SPAG17: variants seen among roughly 807,000 people sequenced by gnomAD.
SPAG17 encodes sperm-associated antigen 17.
SPAG17 carries 169 observed loss-of-function variants against 273.6 expected under a neutral mutation model. The ratio of observed to expected loss-of-function variants is 0.62; its 90% CI spans 0.55 to 0.70. The LOEUF (loss-of-function observed/expected upper bound fraction) is 0.70. Among genes scored for constraint, SPAG17 ranks in the 30% least tolerant of loss-of-function variants. The probability of loss-of-function intolerance (pLI) is 0.00; values close to 1 mark genes in which losing one functional copy is unlikely to be tolerated. For missense variants in SPAG17, 2,557 were observed against 2,627.8 expected, an observed-to-expected ratio of 0.97 and a Z score of 0.59; for synonymous variants, 825 against 873.2, an observed-to-expected ratio of 0.94 and a Z score of 0.97.
At chr1:118,025,898 G>C (rs1647689520) in intron 26 of SPAG17, among the ~76,000 whole-genome samples, 1 of 152,158 alleles carries the variant, frequency 6.6e-6, no homozygotes, top group South Asian at 2.1e-4. Context: ...TTCAAAGGTA[G>C]TAAATTAGGT....
rs374295758 is a variant in SPAG17 at position 118,150,537 on chromosome 1, A to G, written c.315+6T>C. 52 of 1,490,964 alleles carry G rather than the reference A, an allele frequency of 3.5e-5. 1 individual carries two copies. Among genetic ancestry groups the G allele is most frequent in the Middle Eastern group, 3.5e-4 (2 of 5,722 alleles). 92.4% of individuals were successfully genotyped at this position (1,490,964 alleles called of 1,614,324 possible). A position where few individuals can be genotyped will look rare whatever the true frequency, so the allele number is the denominator to read the frequency against. On this transcript the variant is annotated splice_donor_region_variant and intron_variant, in intron 3 of 48. Transcript: ENST00000336338. ...AAAAATATCTTCTATAAACACTTTC[A>G]CTTACCTCATAATATAAAGGAGCAT...
At chr1:118,113,820 A>G (rs570106921) in intron 4 of SPAG17, among the ~76,000 whole-genome samples, 40 of 152,270 alleles carry the variant, frequency 2.6e-4, no homozygotes, top group Admixed American at 5.9e-4. Flanking sequence ...TGAGTAAAAT[A>G]ATGGTGCAAA....
intron 7 of SPAG17, among the ~76,000 whole-genome samples, 160 bp downstream of exon 7, chr1:118,097,510 A>G (rs1315157841): frequency 1.3e-5 from 2 of 152,226 alleles, no homozygotes; most frequent in Admixed American, 6.5e-5. Flanking sequence ...TATAACTATC[A>G]TTGAGCATTC....
rs1656097228 is a variant in SPAG17 at position 118,101,943 on chromosome 1, C to CT, written c.448-18dup. 6.9e-6 allele frequency: 11 copies of CT among 1,598,064 alleles called. No homozygotes were observed. The highest frequency in any genetic ancestry group is 9.4e-6 in the Non-Finnish European group (11 of 1,172,560). Reference sequence around the variant, plus strand: ...TTCTATTACCTGGAATGAGAGAACACTTTTTTCTCCAAATCAAACAGTGAG... The same window carrying CT: ...TTCTATTACCTGGAATGAGAGAACACTTTTTTTCTCCAAATCAAACAGTGAG... On this transcript the variant is annotated splice_polypyrimidine_tract_variant and intron_variant, in intron 4 of 48. Coordinates refer to ENST00000336338, the MANE Select transcript of SPAG17 (RefSeq NM_206996.4).
intron 43 of SPAG17, among the ~76,000 whole-genome samples, chr1:117,977,118 T>C (rs910549300): frequency 6.6e-6 from 1 of 150,792 alleles, no homozygotes; most frequent in Non-Finnish European, 1.5e-5. Flanking sequence ...GAGACCAGAC[T>C]GGCCAACATA....
chr1:118,169,884 G>GA (rs1660338322), intron 1 of SPAG17, among the ~76,000 whole-genome samples: 2 of 151,902 alleles, frequency 1.3e-5, no homozygotes, highest in African/African-American at 2.4e-5. Context: ...TTTAATAATA[G>GA]AAAAAAATTA....
rs1162644211 is a variant in SPAG17, at chr1:118,026,712, G to T, written c.3731-1296C>A. 5.9e-5 allele frequency among the ~76,000 whole-genome samples: 9 copies of T among 152,258 alleles called. No homozygotes were observed. The East Asian group carries it at 1.7e-3, about 29-fold the overall frequency. On this transcript the variant is annotated intron_variant, in intron 26 of 48. Coordinates refer to ENST00000336338, the MANE Select transcript of SPAG17 (RefSeq NM_206996.4). ...ATCCAGCACTAAGGACGCACAGCCA[G>T]TAAGTAAGAGAAGGAAGATTTGAAT...
At position 118,185,120 on chromosome 1, in the gene SPAG17, G is replaced by T. The variant is rs756229748; in HGVS notation, c.38C>A (p.Thr13Asn). 6.2e-7 allele frequency: 1 copy of T among 1,614,134 alleles called. No individual in the cohort carries two copies. The highest frequency in any genetic ancestry group is 8.5e-7 in the Non-Finnish European group (1 of 1,179,996). ...CGAGGGTTCCCATATCTTAGAACTG[G>T]TGTTCACAGTTCCTCCTTTCTCCTT... ...PKKEKGGTVNTSSKIWEPSLI... is the reference protein window; with the variant it reads ...PKKEKGGTVNNSSKIWEPSLI... The change falls in exon 1 of 49, where the codon ACC becomes AAC. Residue 13 changes from threonine (T) to asparagine (N), a missense_variant. By Grantham distance (65) the Thr-to-Asn change is moderately conservative (BLOSUM62 0). Coordinates refer to ENST00000336338, the MANE Select transcript of SPAG17 (RefSeq NM_206996.4).
chr1:118,063,967 C>CA (rs1341435945), intron 18 of SPAG17, among the ~76,000 whole-genome samples: 1 of 151,970 alleles, frequency 6.6e-6, no homozygotes, highest in Non-Finnish European at 1.5e-5. Context: ...TTTATGCAGC[C>CA]AAAAAACACA....
intron 3 of SPAG17, among the ~76,000 whole-genome samples, chr1:118,146,408 A>G (rs1189517767): frequency 6.6e-6 from 1 of 152,228 alleles, no homozygotes; most frequent in African/African-American, 2.4e-5. Flanking sequence ...GTGCATAGGT[A>G]GCAAGTATAC....
chr1:118,145,321 G>A (rs1658913202), intron 3 of SPAG17, among the ~76,000 whole-genome samples: 1 of 152,176 alleles, frequency 6.6e-6, no homozygotes, highest in African/African-American at 2.4e-5. Flanking sequence ...CTGAAAAAGA[G>A]TGGCAAAATA....
chr1:118,132,884 G>C (rs535333574), intron 3 of SPAG17, among the ~76,000 whole-genome samples: 168 of 152,254 alleles, frequency 1.1e-3, no homozygotes, highest in African/African-American at 4.0e-3. Flanking sequence ...CAATTCTCCT[G>C]CCTCAGCCTC....
Position 118,054,738 on chromosome 1 carries a change from T to C in SPAG17, c.2723-645A>G, listed in dbSNP as rs191296526. 1.5e-3 allele frequency among the ~76,000 whole-genome samples: 224 copies of C among 152,126 alleles called. 1 individual carries two copies. Among genetic ancestry groups the C allele is most frequent in the Non-Finnish European group, 3.7e-4 (25 of 67,932 alleles). On this transcript the variant is annotated intron_variant, in intron 19 of 48. Coordinates refer to ENST00000336338, the MANE Select transcript of SPAG17 (RefSeq NM_206996.4). ...TATCTATTTATTTTTCTTTTCTTTT[T>C]TTGGGGGGTACTTAATGCTCTCCTT...
intron 24 of SPAG17, 167 bp downstream of exon 24, chr1:118,036,601 GAC>G (rs35746934): frequency 0.033 from 15,304 of 468,420 alleles, 10 homozygotes; most frequent in East Asian, 0.048. Flanking sequence ...CACATATATA[GAC>G]ACACACACAC....
chr1:118,050,447 C>T (rs1279872578), intron 20 of SPAG17, among the ~76,000 whole-genome samples: 1 of 152,086 alleles, frequency 6.6e-6, no homozygotes, highest in African/African-American at 2.4e-5. Flanking sequence ...TGCTGCAGAC[C>T]CATATGGATT....
At chr1:118,017,789 A>C (rs1003797317) in intron 28 of SPAG17, among the ~76,000 whole-genome samples, 18 of 152,166 alleles carry the variant, frequency 1.2e-4, no homozygotes, top group Non-Finnish European at 2.1e-4. Context: ...GGATAAGAGA[A>C]AGAATCACAT....
At position 118,059,464 on chromosome 1, in the gene SPAG17, A is replaced by G. The variant is rs75395781; in HGVS notation, c.2541-3550T>C. On this transcript the variant is annotated intron_variant, in intron 18 of 48. Coordinates refer to ENST00000336338, the MANE Select transcript of SPAG17 (RefSeq NM_206996.4). ...TGGAATGGCTAAATTGAATTGATTA[A>G]CATACATACTATCTTGCATACTTAT... Among the ~76,000 whole-genome samples the G allele has an allele frequency of 4.2e-3, 644 of 152,272 alleles. 4 individuals carry two copies. Among genetic ancestry groups the G allele is most frequent in the African/African-American group, 0.015 (612 of 41,568 alleles).
chr1:118,105,256 G>A lies in SPAG17; in HGVS notation c.448-3330C>T, dbSNP rs77413679. Among the ~76,000 whole-genome samples, 1,106 of 152,240 alleles carry A rather than the reference G, an allele frequency of 7.3e-3. 17 individuals are homozygous for A. Among genetic ancestry groups the A allele is most frequent in the African/African-American group, 0.025 (1,036 of 41,562 alleles). On this transcript the variant is annotated intron_variant, in intron 4 of 48. Coordinates refer to ENST00000336338, the MANE Select transcript of SPAG17 (RefSeq NM_206996.4). ...AGGAGGTTTGAATAGGGAAGATGAC[G>A]TAAGAGTTATCTTATGTCAGAGAGT...
chr1:118,049,806 C>G (rs774097815), intron 20 of SPAG17, among the ~76,000 whole-genome samples: 26 of 152,158 alleles, frequency 1.7e-4, no homozygotes, highest in Non-Finnish European at 3.4e-4. Flanking sequence ...GGCTGCCCCC[C>G]ATCACACACA....
Sources: gnomAD v4.1 joint callset for allele counts (sites outside exome capture counted in the v4.1 genomes callset) on GRCh38, gnomAD v4.1.1 for gene constraint, MANE v1.5 for transcripts, NCBI Gene and HGNC (gene_info 2026-07-23, HGNC 2026-07-21) for gene names.